The following CELF2 variants were observed in gnomAD, a reference collection of about 807,000 sequenced individuals.
CELF2 encodes CUGBP Elav-like family member 2.
In CELF2, 8 loss-of-function variants were observed where a neutral mutation model predicts 62.6. That is an observed-to-expected ratio of 0.13 (90% CI 0.07 to 0.23). CELF2 has a LOEUF of 0.23. Among genes scored for constraint, CELF2 ranks in the 10% least tolerant of loss-of-function variants. CELF2 has a pLI of 1.00. For synonymous variants in CELF2, 258 were observed against 250.0 expected (o/e 1.03, Z -0.30); for missense variants, 333 against 671.0 (o/e 0.50, Z 5.56).
In CELF2 at chr10:11,296,692, G is replaced by A. The variant is rs999006658; in HGVS notation, c.976+8140G>A. Among the ~76,000 whole-genome samples the A allele has an allele frequency of 2.0e-5, 3 of 152,148 alleles. No homozygotes were observed. Among genetic ancestry groups the A allele is most frequent in the African/African-American group, 4.8e-5 (2 of 41,426 alleles). On this transcript the variant is annotated intron_variant, in intron 9 of 12. Transcript: ENST00000633077. The surrounding 1 kb of genome is among the most constrained non-coding windows in gnomAD (Gnocchi z 5.0). ...GGCCACCTACAAACACAAGCAAAAT[G>A]TACCGACCTGTACAGCACAGACAGC...
chr10:10,659,260 A>G, the CELF2 span, among the ~76,000 whole-genome samples: 3 of 152,208 alleles, frequency 2.0e-5, no homozygotes, highest in East Asian at 5.8e-4. Flanking sequence ...ATAATTTGTC[A>G]CTGTTTCCAT....
chr10:11,197,063 AAAGAAAGG>A (rs1256862365), intron 2 of CELF2, among the ~76,000 whole-genome samples: 4 of 120,990 alleles, frequency 3.3e-5, no homozygotes, highest in African/African-American at 1.4e-4. Flanking sequence ...GAAAGAAAAG[AAAGAAAGG>A]AAAGAAAGAA....
intron 9 of CELF2, among the ~76,000 whole-genome samples, chr10:11,301,141 A>C (rs2093676161): frequency 6.6e-6 from 1 of 152,174 alleles, no homozygotes; most frequent in African/African-American, 2.4e-5. Context: ...TATGGGAATT[A>C]TATTTTAAAT....
chr10:10,586,863 A>G, the CELF2 span, among the ~76,000 whole-genome samples: 1 of 152,308 alleles, frequency 6.6e-6, no homozygotes, highest in South Asian at 2.1e-4. Context: ...AGGAGGAACC[A>G]GGTGGATTGT....
In CELF2 at chr10:11,304,568, G is replaced by GA. The variant is rs371881631; in HGVS notation, c.977-9571_977-9570insA. ...GCAGTGCGGGGCATCACATGGCCGG[G>GA]GCTGAGTGTGCTAACATGCTTGCTC... On this transcript the variant is annotated intron_variant, in intron 9 of 12. Coordinates refer to ENST00000633077, the MANE Select transcript of CELF2 (RefSeq NM_001326342.2). 4.3e-3 allele frequency among the ~76,000 whole-genome samples: 656 copies of GA among 151,490 alleles called. 4 individuals carry two copies. Among genetic ancestry groups the GA allele is most frequent in the African/African-American group, 0.015 (628 of 41,288 alleles).
rs2080260644 is a variant in CELF2, at chr10:11,260,713, A to G, written c.538+2841A>G. Among the ~76,000 whole-genome samples the G allele has an allele frequency of 6.6e-6, 1 of 151,856 alleles. No homozygotes were observed. Among genetic ancestry groups the G allele is most frequent in the Non-Finnish European group, 1.5e-5 (1 of 67,952 alleles). ...TGAACTGATGAGAATTCCCTGTTGC[A>G]AAAAAAGAAAAATAAGAAAGAAAGA... On this transcript the variant is annotated intron_variant, in intron 5 of 12. Coordinates refer to ENST00000633077, the MANE Select transcript of CELF2 (RefSeq NM_001326342.2). This position sits in a 1 kb window ranked among gnomAD's most constrained non-coding sequence, Gnocchi z 4.2.
intron 1 of CELF2, among the ~76,000 whole-genome samples, chr10:11,114,652 G>T (rs1029365594): frequency 2.0e-5 from 3 of 152,176 alleles, no homozygotes; most frequent in Non-Finnish European, 4.4e-5. Context: ...GAATGAAAGG[G>T]TTCTAATAAG....
intron 1 of CELF2, among the ~76,000 whole-genome samples, chr10:11,025,241 A>G (rs60823700): frequency 0.097 from 8,469 of 86,924 alleles, 847 homozygotes; most frequent in African/African-American, 0.26. Context: ...GTGTGTGTGT[A>G]TATGTATGTG....
At chr10:10,742,704 T>G in the CELF2 span, among the ~76,000 whole-genome samples, 1 of 152,106 alleles carries the variant, frequency 6.6e-6, no homozygotes, top group Non-Finnish European at 1.5e-5. Context: ...ATAAGGCCAG[T>G]GCTTATTGTG....
rs2083573804 is a variant in CELF2 at position 11,270,965 on chromosome 10, T to C, written c.777+141T>C. 1.2e-6 allele frequency: 1 copy of C among 837,006 alleles called. No individual in the cohort carries two copies. Among genetic ancestry groups the C allele is most frequent in the Non-Finnish European group, 1.6e-6 (1 of 609,990 alleles). 51.8% of individuals were successfully genotyped at this position (837,006 alleles called of 1,614,324 possible). The stretch of plus-strand genomic sequence containing the variant: ...TTGAAATCAGCATTTATGCAGGATA[T>C]TTTTCCAAGTTAGATTGATTCTGTT... On this transcript the variant is annotated intron_variant, in intron 7 of 12. Transcript: ENST00000633077. The surrounding 1 kb of genome is among the most constrained non-coding windows in gnomAD (Gnocchi z 5.8).
the CELF2 span, among the ~76,000 whole-genome samples, chr10:10,687,765 C>T: frequency 6.6e-6 from 1 of 152,144 alleles, no homozygotes; most frequent in Non-Finnish European, 1.5e-5. Context: ...AGTTTTCTTG[C>T]CGGGATGCAA....
At position 10,817,797 on chromosome 10, in the gene CELF2, C is replaced by T. The variant is rs571069463; in HGVS notation, c.53+18980C>T. 1.8e-3 allele frequency among the ~76,000 whole-genome samples: 270 copies of T among 152,308 alleles called. 1 individual carries two copies. The highest frequency in any genetic ancestry group is 6.8e-3 in the Middle Eastern group (2 of 294). Reference sequence around the variant, plus strand: ...GCAACAAACATAGAAGCAATAACATCATTATGTCGTAAAGTAATAAGGTTA... The same window carrying T: ...GCAACAAACATAGAAGCAATAACATTATTATGTCGTAAAGTAATAAGGTTA... On this transcript the variant is annotated intron_variant, in intron 1 of 13. Transcript: ENST00000636488.
At chr10:11,153,364 TTTATC>T (rs2063700413) in intron 1 of CELF2, among the ~76,000 whole-genome samples, 1 of 152,202 alleles carries the variant, frequency 6.6e-6, no homozygotes, top group African/African-American at 2.4e-5. Context: ...CCGTCTGACA[TTTATC>T]TTATAATTTT....
At chr10:10,627,272 A>AG in the CELF2 span, among the ~76,000 whole-genome samples, 1 of 152,224 alleles carries the variant, frequency 6.6e-6, no homozygotes, top group African/African-American at 2.4e-5. Context: ...GAAGGGGTAA[A>AG]GTGTAGAATT....
chr10:10,882,205 A>G (rs1323395307), intron 1 of CELF2, among the ~76,000 whole-genome samples: 2 of 152,196 alleles, frequency 1.3e-5, no homozygotes, highest in Non-Finnish European at 2.9e-5. Context: ...GTCTTATAAC[A>G]TTCTTATAAT....
At chr10:11,283,628 G>T (rs1266639561) in intron 8 of CELF2, among the ~76,000 whole-genome samples, 1 of 151,378 alleles carries the variant, frequency 6.6e-6, no homozygotes, top group Non-Finnish European at 1.5e-5. Flanking sequence ...GGATGGGTGG[G>T]TGGGTGGATG....
chr10:10,951,872 G>GAGGC (rs1469188259), intron 2 of CELF2: 1 of 152,454 alleles, frequency 6.6e-6, no homozygotes, highest in Non-Finnish European at 1.5e-5. Flanking sequence ...AAGAGGGGAA[G>GAGGC]AGGCGTTCGG....
chr10:10,935,308 C>A (rs945715643), intron 2 of CELF2: 12 of 152,202 alleles, frequency 7.9e-5, no homozygotes, highest in Admixed American at 4.6e-4. Flanking sequence ...GCAAGAATTT[C>A]TCTTGAATAC....
chr10:10,663,475 G>A, the CELF2 span, among the ~76,000 whole-genome samples: 3 of 152,076 alleles, frequency 2.0e-5, no homozygotes, highest in Non-Finnish European at 2.9e-5. Context: ...CATTGATTTT[G>A]GCTATAAAAG....
Sources: allele counts gnomAD v4.1 joint callset (sites outside exome capture counted in the v4.1 genomes callset), GRCh38; gene constraint gnomAD v4.1.1; non-coding constraint Gnocchi (gnomAD v3.1); transcripts MANE v1.5; gene names NCBI Gene and HGNC (gene_info 2026-07-23, HGNC 2026-07-21).